The following CDKL5 variants were observed in gnomAD, a reference collection of about 807,000 sequenced individuals.
CDKL5 encodes the protein cyclin dependent kinase like 5, also known as cyclin-dependent kinase-like 5.
A neutral mutation model predicts 61.7 loss-of-function variants in CDKL5; 8 were observed. That is an observed-to-expected ratio of 0.13 (90% CI 0.08 to 0.23). The LOEUF is 0.23. CDKL5 is among the 10% of genes least tolerant of loss of function. The pLI, the probability that CDKL5 is intolerant of heterozygous loss-of-function variation, is 1.00. For synonymous variants in CDKL5, 275 were observed against 272.3 expected (o/e 1.01, Z -0.10); for missense variants, 440 against 734.5 (o/e 0.60, Z 4.63).
chrX:18,548,198 G>C (rs1342682403), intron 3 of CDKL5, among the ~76,000 whole-genome samples: 1 of 108,708 alleles, frequency 9.2e-6, no homozygotes, highest in East Asian at 2.9e-4. Flanking sequence ...GTATTGAGGC[G>C]TGCCTGGGCA....
intron 15 of CDKL5, among the ~76,000 whole-genome samples, chrX:18,614,337 A>G (rs755550728): frequency 2.0e-4 from 23 of 112,954 alleles, no homozygotes; most frequent in Admixed American, 3.7e-4. Flanking sequence ...AGCACAATTT[A>G]CATCCATTGC....
At chrX:18,507,702 T>A (rs1765200401) in intron 2 of CDKL5, among the ~76,000 whole-genome samples, 1 of 111,007 alleles carries the variant, frequency 9.0e-6, no homozygotes, top group South Asian at 3.7e-4. Flanking sequence ...CTCCTGAGAT[T>A]ACAGGCGTGA....
chrX:18,588,044 T>C lies in CDKL5; in HGVS notation c.645T>C (p.Ser215=). ...GACAGCCTTTATTTCCTGGAGAAAG[T>C]GAAATTGACCAACTTTTTACTATTC... is the stretch of plus-strand genomic sequence containing the variant. The part of the protein sequence containing the change: ...SDGQPLFPGE[S]EIDQLFTIQK... The change falls in exon 9 of 18, where the codon AGT becomes AGC. Residue 215 remains serine, a synonymous_variant. Transcript: ENST00000623535. 1 of 1,209,669 alleles carries C rather than the reference T, an allele frequency of 8.3e-7. No homozygotes were observed. Among genetic ancestry groups the C allele is most frequent in the Non-Finnish European group, 1.1e-6 (1 of 893,792 alleles).
rs1927220060 is a variant in CDKL5, at chrX:18,631,041, A to G, written c.*2284A>G. 9 of 748,302 alleles carry G rather than the reference A, an allele frequency of 1.2e-5. No homozygotes were observed. The highest frequency in any genetic ancestry group is 2.4e-5 in the African/African-American group (1 of 41,755). 61.7% of individuals were successfully genotyped at this position (748,302 alleles called of 1,213,427 possible). ...ACTGTGCTATGCGCTTAGGAACTGC[A>G]CGGTCCCGTTGCCATGCTGTGGCAT... On this transcript the variant is annotated 3_prime_UTR_variant, in exon 18 of 18. Transcript: ENST00000623535.
At chrX:18,432,321 C>T (rs1931514060) in intron 1 of CDKL5, among the ~76,000 whole-genome samples, 1 of 109,445 alleles carries the variant, frequency 9.1e-6, no homozygotes, top group Admixed American at 9.9e-5. Flanking sequence ...TGGTCTTGAA[C>T]CCCTGACATC....
intron 1 of CDKL5, among the ~76,000 whole-genome samples, chrX:18,480,634 ACT>A (rs1290898245): frequency 1.8e-5 from 2 of 108,731 alleles, no homozygotes; most frequent in Non-Finnish European, 3.8e-5. Flanking sequence ...GTCAACTCTG[ACT>A]CTCTCATTTA....
chrX:18,478,803 C>A (rs1256537322), intron 1 of CDKL5, among the ~76,000 whole-genome samples: 6 of 108,062 alleles, frequency 5.6e-5, no homozygotes, highest in African/African-American at 2.0e-4. Flanking sequence ...CTCTCCCTCT[C>A]GGGTTCAAGT....
intron 8 of CDKL5, among the ~76,000 whole-genome samples, chrX:18,585,777 T>G (rs1320310695): frequency 8.9e-6 from 1 of 112,205 alleles, no homozygotes; most frequent in African/African-American, 3.2e-5. Context: ...ACAAATAAAA[T>G]TAGATATAGT....
At chrX:18,434,793 T>C (rs1931575013) in intron 1 of CDKL5, among the ~76,000 whole-genome samples, 1 of 110,804 alleles carries the variant, frequency 9.0e-6, no homozygotes, top group South Asian at 3.8e-4. Flanking sequence ...CTGAGTGTGG[T>C]GGCACGCACC....
chrX:18,570,548 A>T (rs1157278938), intron 4 of CDKL5, among the ~76,000 whole-genome samples: 1 of 111,074 alleles, frequency 9.0e-6, no homozygotes, highest in Non-Finnish European at 1.9e-5. Context: ...CGTGGTTTTG[A>T]TCAAGGATGG....
At chrX:18,497,874 A>G (rs1285352777) in intron 1 of CDKL5, among the ~76,000 whole-genome samples, 2 of 108,119 alleles carry the variant, frequency 1.8e-5, no homozygotes, top group African/African-American at 6.8e-5. Flanking sequence ...CACAGTGCAC[A>G]GTGCACAATC....
chrX:18,604,318 G>A lies in CDKL5; in HGVS notation c.1394G>A (p.Ser465Asn), dbSNP rs1427145131. ...AGTLQPNEKQSRHSYIDTIPQ... is the reference protein window; with the variant it reads ...AGTLQPNEKQNRHSYIDTIPQ... Reference sequence around the variant, plus strand: ...ACACTGCAGCCCAATGAAAAGCAGAGTCGGCATAGCTATATTGACACAATT... The same window carrying A: ...ACACTGCAGCCCAATGAAAAGCAGAATCGGCATAGCTATATTGACACAATT... The change falls in exon 12 of 18, where the codon AGT becomes AAT. Residue 465 changes from serine to asparagine, a missense_variant. Ser to Asn is a conservative substitution (Grantham distance 46). Coordinates refer to ENST00000623535, the MANE Select transcript of CDKL5 (RefSeq NM_001323289.2). 1 of 1,211,234 alleles carries A rather than the reference G, an allele frequency of 8.3e-7. No individual in the cohort carries two copies. Among genetic ancestry groups the A allele is most frequent in the East Asian group, 3.0e-5 (1 of 33,826 alleles).
intron 1 of CDKL5, among the ~76,000 whole-genome samples, chrX:18,482,570 G>A (rs763910656): frequency 9.0e-6 from 1 of 111,359 alleles, no homozygotes; most frequent in East Asian, 2.8e-4. Flanking sequence ...TAGGGCTAAA[G>A]GTAATTGAAG....
chrX:18,479,615 G>A (rs1011017024), intron 1 of CDKL5, among the ~76,000 whole-genome samples: 4 of 110,529 alleles, frequency 3.6e-5, no homozygotes, highest in South Asian at 7.6e-4. Context: ...CACCACGCCC[G>A]GCCAGCCACT....
chrX:18,515,939 T>G (rs1036540800), intron 3 of CDKL5, among the ~76,000 whole-genome samples: 1 of 110,349 alleles, frequency 9.1e-6, no homozygotes, highest in Non-Finnish European at 1.9e-5. Flanking sequence ...GATAGGAGCC[T>G]TCTCTTCTCT....
chrX:18,451,792 G>A (rs759342855), intron 1 of CDKL5, among the ~76,000 whole-genome samples: 2 of 109,666 alleles, frequency 1.8e-5, no homozygotes, highest in South Asian at 3.9e-4. Flanking sequence ...CACTTGCCTC[G>A]GCCTCCCACA....
chrX:18,445,279 T>C (rs747660404), intron 1 of CDKL5, among the ~76,000 whole-genome samples: 7 of 110,484 alleles, frequency 6.3e-5, no homozygotes, highest in Non-Finnish European at 1.3e-4. Flanking sequence ...GGTTTCACCA[T>C]GTTGGTCAGG....
chrX:18,612,868 ATGTT>A (rs775445101), intron 14 of CDKL5, among the ~76,000 whole-genome samples: 1 of 110,061 alleles, frequency 9.1e-6, no homozygotes, highest in Non-Finnish European at 1.9e-5. Flanking sequence ...GGATTTTTAT[ATGTT>A]TGTTTGTTGT....
chrX:18,454,140 C>T (rs147996561), intron 1 of CDKL5, among the ~76,000 whole-genome samples: 246 of 111,532 alleles, frequency 2.2e-3, no homozygotes, highest in African/African-American at 7.1e-3. Flanking sequence ...GTTTGGAGTC[C>T]ATAATTGGAA....
Sources: allele counts gnomAD v4.1 joint callset (sites outside exome capture counted in the v4.1 genomes callset), GRCh38; gene constraint gnomAD v4.1.1; transcripts MANE v1.5; gene names NCBI Gene and HGNC (gene_info 2026-07-23, HGNC 2026-07-21).